GMIP: variants seen among roughly 807,000 people sequenced by gnomAD.
GMIP encodes the protein GEM interacting protein, also known as GEM-interacting protein.
GMIP carries 54 observed loss-of-function variants against 105.3 expected under a neutral mutation model. That is an observed-to-expected ratio of 0.51 (90% CI 0.41 to 0.64). The LOEUF (loss-of-function observed/expected upper bound fraction) is 0.64. Among genes scored for constraint, GMIP ranks in the 30% least tolerant of loss-of-function variants. The pLI is 0.00. For missense variants in GMIP, 1,110 were observed against 1,319.4 expected (o/e 0.84, Z 2.46); for synonymous variants, 541 against 560.8 (o/e 0.96, Z 0.50).
In GMIP at chr19:19,630,295, A is replaced by T. The variant is rs2061781273; in HGVS notation, c.2581T>A (p.Ser861Thr). Residue 861 changes from serine (S) to threonine (T), a missense_variant, in exon 21 of 21, where the codon TCT becomes ACT. Around this residue, in one of 3 missense-constraint regions of GMIP, gnomAD observed 394 missense variants for 450.5 expected, o/e 0.87. Coordinates refer to ENST00000203556, the MANE Select transcript of GMIP (RefSeq NM_016573.4). The surrounding 1 kb of genome is among the most constrained non-coding windows in gnomAD (Gnocchi z 4.8). ...GPEDSLLGTQ[S>T]RGHFSRQPVK... ...GGCTGGCGGCTGAAGTGGCCACGAGACTGTGTCCCCAGGAGTGAGTCCTCT... is the reference window on the plus strand; with the variant it reads ...GGCTGGCGGCTGAAGTGGCCACGAGTCTGTGTCCCCAGGAGTGAGTCCTCT... The T allele has an allele frequency of 6.5e-7, 1 of 1,547,596 alleles. No homozygotes were observed. The highest frequency in any genetic ancestry group is 1.4e-5 in the African/African-American group (1 of 73,184).
chr19:19,630,028 C>A lies in GMIP; in HGVS notation c.2848G>T (p.Glu950Ter). 2 of 1,608,380 alleles carry A rather than the reference C, an allele frequency of 1.2e-6. No individual in the cohort carries two copies. Among genetic ancestry groups the A allele is most frequent in the Non-Finnish European group, 1.7e-6 (2 of 1,177,764 alleles). The change falls in exon 21 of 21, where the codon GAG becomes TAG. Residue 950 changes from glutamate to a stop codon, truncating the protein, a stop_gained. Coordinates refer to ENST00000203556, the MANE Select transcript of GMIP (RefSeq NM_016573.4). LOFTEE classifies it high-confidence loss of function. This position sits in a 1 kb window ranked among gnomAD's most constrained non-coding sequence, Gnocchi z 4.8. ...CAGCAGGTGGCCCTGGGCACAGCCT[C>A]GCTGTCCAATTTCGAGAGTAGCCGG... ...TARLLSKLDS[E>*]AVPRATCCPD...
rs1017051756 is a variant in GMIP, at chr19:19,635,908, A to C, written c.1328-187T>G. Among the ~76,000 whole-genome samples the C allele has an allele frequency of 6.6e-6, 1 of 152,176 alleles. No individual in the cohort carries two copies. Among genetic ancestry groups the C allele is most frequent in the African/African-American group, 2.4e-5 (1 of 41,450 alleles). On this transcript the variant is annotated intron_variant, in intron 13 of 20. Transcript: ENST00000203556. The surrounding 1 kb of genome is among the most constrained non-coding windows in gnomAD (Gnocchi z 4.7). ...GGGGTGGTTCATAAGCTGGATCAAG[A>C]GGTTGAGGAAATAGGCCGGGCGCAG...
At position 19,634,623 on chromosome 19, in the gene GMIP, G is replaced by A. The variant is rs780900749; in HGVS notation, c.1968C>T (p.Asp656=). ...LAKTLHADPG[D]DPGTPSPSPE... ...GGCTGGGGCTGGGGGTCCCAGGGTC[G>A]TCCCCAGGGTCTGCATGCAAGGTCT... Residue 656 remains aspartate, a synonymous_variant, in exon 18 of 21, where the codon GAC becomes GAT. Transcript: ENST00000203556. The surrounding 1 kb of genome is among the most constrained non-coding windows in gnomAD (Gnocchi z 6.1). 1.1e-5 allele frequency: 18 copies of A among 1,613,272 alleles called. No individual in the cohort carries two copies. The highest frequency in any genetic ancestry group is 2.2e-5 in the South Asian group (2 of 91,046).
chr19:19,640,684 A>G (rs1453091674), intron 4 of GMIP, 113 bp from the exon 5 acceptor site: 11 of 1,017,298 alleles, frequency 1.1e-5, no homozygotes, highest in South Asian at 6.0e-5. Flanking sequence ...CAGCTCCCCA[A>G]ACACTACTTT....
In GMIP at chr19:19,630,041, C is replaced by T. The variant is rs760161986; in HGVS notation, c.2835G>A (p.Ser945=). The part of the protein sequence containing the change: ...EITQETARLL[S]KLDSEAVPRA... ...TGGGCACAGCCTCGCTGTCCAATTT[C>T]GAGAGTAGCCGGGCTGTCTCCTGGG... Residue 945 remains serine, a synonymous_variant, in exon 21 of 21, where the codon TCG becomes TCA. Coordinates refer to ENST00000203556, the MANE Select transcript of GMIP (RefSeq NM_016573.4). The surrounding 1 kb of genome is among the most constrained non-coding windows in gnomAD (Gnocchi z 4.8). 7.5e-6 allele frequency: 12 copies of T among 1,608,584 alleles called. No homozygotes were observed. The highest frequency in any genetic ancestry group is 2.2e-5 in the East Asian group (1 of 44,718).
At position 19,636,780 on chromosome 19, in the gene GMIP, A is replaced by C. The variant is rs2061858442; in HGVS notation, c.1254T>G (p.Thr418=). Residue 418 remains threonine (T), a synonymous_variant, in exon 13 of 21, where the codon ACT becomes ACG. Transcript: ENST00000203556. The part of the protein sequence containing the change: ...GWRWQGTPGP[T]PGSDVDSVGG... ...CCACGCTGTCCACATCGCTGCCCGG[A>C]GTGGGGCCTGGAGTCCCTAGGTGGC... The C allele has an allele frequency of 6.2e-7, 1 of 1,612,220 alleles. No homozygotes were observed. Among genetic ancestry groups the C allele is most frequent in the African/African-American group, 1.3e-5 (1 of 74,836 alleles).
intron 6 of GMIP, 30 bp from the exon 7 acceptor site, chr19:19,640,222 A>G (rs755002686): frequency 6.7e-7 from 1 of 1,498,192 alleles, no homozygotes; most frequent in South Asian, 1.1e-5. Flanking sequence ...GTAGGAGGAT[A>G]CTGAAGATCT....
intron 7 of GMIP, 143 bp downstream of exon 7, chr19:19,639,942 C>T (rs1254636021): frequency 9.9e-6 from 6 of 607,112 alleles, no homozygotes; most frequent in Middle Eastern, 8.7e-4. Context: ...CAAGCATCCC[C>T]GGGCCTCAGC....
rs773920237 is a variant in GMIP, at chr19:19,635,418, C to T, written c.1557G>A (p.Glu519=). ...TGGTCATTAACCCAGGCCACACCTC[C>T]TCACACTCCGTCCCGCTGACCATGA... The part of the protein sequence containing the change: ...EAFMVSGTEC[E]ECFLTCHKRC... The change falls in exon 15 of 21, where the codon GAG becomes GAA. Residue 519 remains glutamate, a synonymous_variant. Transcript: ENST00000203556. This position sits in a 1 kb window ranked among gnomAD's most constrained non-coding sequence, Gnocchi z 4.7. 1.9e-6 allele frequency: 3 copies of T among 1,609,174 alleles called. No homozygotes were observed. Among genetic ancestry groups the T allele is most frequent in the Middle Eastern group, 2.1e-4 (1 of 4,714 alleles).
chr19:19,634,628 C>G lies in GMIP; in HGVS notation c.1963G>C (p.Gly655Arg), dbSNP rs775797868. The G allele has an allele frequency of 6.2e-7, 1 of 1,613,460 alleles. No individual in the cohort carries two copies. The highest frequency in any genetic ancestry group is 1.7e-5 in the Admixed American group (1 of 59,800). The change falls in exon 18 of 21, where the codon GGG (glycine) becomes CGG (arginine). Residue 655 changes from glycine (G) to arginine (R), a missense_variant. Physicochemically the swap from Gly to Arg is moderately radical, Grantham distance 125. Transcript: ENST00000203556. The surrounding 1 kb of genome is among the most constrained non-coding windows in gnomAD (Gnocchi z 6.1). The stretch of plus-strand genomic sequence containing the variant: ...GGGCTGGGGGTCCCAGGGTCGTCCC[C>G]AGGGTCTGCATGCAAGGTCTTAGCC... The part of the protein sequence containing the change: ...SLAKTLHADP[G>R]DDPGTPSPSP...
In GMIP at chr19:19,642,387, T is replaced by C. The variant is rs1599419084; in HGVS notation, c.104+148A>G. The C allele has an allele frequency of 6.2e-6, 4 of 644,304 alleles. No homozygotes were observed. In the East Asian group the frequency reaches 1.0e-4, roughly 17 times the overall value. The allele number at this position is 644,304 out of a possible 1,614,324, so 39.9% of individuals were successfully genotyped here. ...GGGACACTTTTAGGATACCGAGGCA[T>C]TTTGGAGGGTCCCATCCTAGACTTC... On this transcript the variant is annotated intron_variant, in intron 2 of 20. Transcript: ENST00000203556.
chr19:19,640,428 G>A lies in GMIP; in HGVS notation c.364+18C>T. On this transcript the variant is annotated intron_variant, in intron 5 of 20. Transcript: ENST00000203556. Reference sequence around the variant, plus strand: ...GGGGACTGCCTGGTAACTGGGGCTGGGCGGAAGAGGTCCTCACCATAGCTG... The same window carrying A: ...GGGGACTGCCTGGTAACTGGGGCTGAGCGGAAGAGGTCCTCACCATAGCTG... The A allele has an allele frequency of 6.2e-7, 1 of 1,614,116 alleles. No individual in the cohort carries two copies. The highest frequency in any genetic ancestry group is 8.5e-7 in the Non-Finnish European group (1 of 1,180,020).
rs2061906857 is a variant in GMIP, at chr19:19,640,471, G to A, written c.339C>T (p.Ala113=). The A allele has an allele frequency of 6.2e-7, 1 of 1,614,152 alleles. No individual in the cohort carries two copies. The highest frequency in any genetic ancestry group is 8.5e-7 in the Non-Finnish European group (1 of 1,180,032). ...CATAGCTGGCTCTCTTTTCAGTCCA[G>A]GCAAGCAGTTCCTTGGCATAGCGGC... is the stretch of plus-strand genomic sequence containing the variant. ...TWSRYAKELL[A]WTEKRASYEL... Residue 113 remains alanine (A), a synonymous_variant, in exon 5 of 21, where the codon GCC becomes GCT. Coordinates refer to ENST00000203556, the MANE Select transcript of GMIP (RefSeq NM_016573.4).
At position 19,637,881 on chromosome 19, in the gene GMIP, A is replaced by G. The variant is rs773865094; in HGVS notation, c.927+39T>C. ...AGTGGGGCACTCAGTCGGGGCCCCA[A>G]CGGGGTGAGGGGAGGATGGCCTTGG... On this transcript the variant is annotated intron_variant, in intron 10 of 20. Transcript: ENST00000203556. The surrounding 1 kb of genome is among the most constrained non-coding windows in gnomAD (Gnocchi z 6.7). 1 of 1,565,412 alleles carries G rather than the reference A, an allele frequency of 6.4e-7. No homozygotes were observed. Among genetic ancestry groups the G allele is most frequent in the Non-Finnish European group, 8.7e-7 (1 of 1,154,862 alleles).
chr19:19,643,234 C>A, intron 1 of GMIP: 1 of 440,626 alleles, frequency 2.3e-6, no homozygotes, highest in East Asian at 3.7e-5. Flanking sequence ...CACCCTGCCC[C>A]CATCACAAAA....
At chr19:19,640,657 C>T in intron 4 of GMIP, 86 bp from the exon 5 acceptor site, 2 of 1,394,298 alleles carry the variant, frequency 1.4e-6, no homozygotes, top group Admixed American at 1.8e-5. Context: ...CCCAGTGGCA[C>T]CTGTCCTACA....
In GMIP at chr19:19,634,526, G is replaced by A. The variant is rs2061829962; in HGVS notation, c.2065C>T (p.Leu689=). 24 of 1,611,192 alleles carry A rather than the reference G, an allele frequency of 1.5e-5. No homozygotes were observed. Among genetic ancestry groups the A allele is most frequent in the Non-Finnish European group, 2.0e-5 (23 of 1,179,222 alleles). ...PDSNYNTLRH[L]VAHLFRVAAR... ...GCACACCTGAACAGATGGGCCACCA[G>A]GTGCCGCAGGGTGTTGTAGTTAGAG... Residue 689 remains leucine (L), a synonymous_variant, in exon 18 of 21, where the codon CTG becomes TTG. Coordinates refer to ENST00000203556, the MANE Select transcript of GMIP (RefSeq NM_016573.4). This position sits in a 1 kb window ranked among gnomAD's most constrained non-coding sequence, Gnocchi z 6.1.
intron 1 of GMIP, 93 bp from the exon 2 acceptor site, chr19:19,642,712 A>C: frequency 3.6e-6 from 2 of 555,966 alleles, no homozygotes; most frequent in Non-Finnish European, 3.4e-6. Context: ...TGGAAGAGAA[A>C]GGGAAGAGTG....
Position 19,637,323 on chromosome 19 carries a change from G to T in GMIP, c.1124+42C>A. The stretch of plus-strand genomic sequence containing the variant: ...TGCGGTGCCAACAGCCTGGCATCGC[G>T]ATTCCGGGGCTCGTTCCCGACTCCC... On this transcript the variant is annotated intron_variant, in intron 11 of 20. Coordinates refer to ENST00000203556, the MANE Select transcript of GMIP (RefSeq NM_016573.4). This position sits in a 1 kb window ranked among gnomAD's most constrained non-coding sequence, Gnocchi z 6.7. The T allele has an allele frequency of 1.5e-6, 2 of 1,337,896 alleles. No individual in the cohort carries two copies. The highest frequency in any genetic ancestry group is 2.0e-6 in the Non-Finnish European group (2 of 984,948). The allele number at this position is 1,337,896 out of a possible 1,614,324, so 82.9% of individuals were successfully genotyped here.
Sources: allele counts gnomAD v4.1 joint callset (sites outside exome capture counted in the v4.1 genomes callset), GRCh38; gene constraint gnomAD v4.1.1; regional missense constraint gnomAD v4.1.1; non-coding constraint Gnocchi (gnomAD v3.1); transcripts MANE v1.5; gene names NCBI Gene and HGNC (gene_info 2026-07-23, HGNC 2026-07-21).